Variants in USP47 observed in about 807,000 individuals in gnomAD.
The protein encoded by USP47 is ubiquitin carboxyl-terminal hydrolase 47.
A neutral mutation model predicts 165.1 loss-of-function variants in USP47; 35 were observed. The ratio of observed to expected loss-of-function variants is 0.21; its 90% CI spans 0.16 to 0.28. The LOEUF is 0.28. USP47 is among the 10% of genes least tolerant of loss of function. USP47 has a pLI of 1.00. For synonymous variants in USP47, 531 were observed against 544.5 expected, an observed-to-expected ratio of 0.98 and a Z score of 0.35; for missense variants, 1,277 against 1,607.4, an observed-to-expected ratio of 0.79 and a Z score of 3.52.
intron 4 of USP47, among the ~76,000 whole-genome samples, chr11:11,895,625 C>T (rs1851798572): frequency 1.3e-5 from 2 of 152,204 alleles, no homozygotes; most frequent in Admixed American, 6.5e-5. Flanking sequence ...CCTACCACTT[C>T]CCACTGGTAG....
chr11:11,909,608 C>A (rs1424336740), intron 8 of USP47, among the ~76,000 whole-genome samples: 1 of 152,078 alleles, frequency 6.6e-6, no homozygotes, highest in Non-Finnish European at 1.5e-5. Flanking sequence ...TTATTTAGGG[C>A]CTACTCTATG....
At chr11:11,927,223 A>T (rs893658483) in intron 11 of USP47, among the ~76,000 whole-genome samples, 1 of 142,274 alleles carries the variant, frequency 7.0e-6, no homozygotes, top group Non-Finnish European at 1.6e-5. Context: ...GCCTCCCCTG[A>T]AGATTTTTTT....
rs1847468501 is a variant in USP47, at chr11:11,961,883, C to G, written c.*5708C>G. 6.6e-6 allele frequency among the ~76,000 whole-genome samples: 1 copy of G among 152,180 alleles called. No homozygotes were observed. The highest frequency in any genetic ancestry group is 6.5e-5 in the Admixed American group (1 of 15,280). ...ATTCAAGCACCACCTCCACCCAGCCCCTCCCACATTTCACTCAGGACTGAG... is the reference window on the plus strand; with the variant it reads ...ATTCAAGCACCACCTCCACCCAGCCGCTCCCACATTTCACTCAGGACTGAG... On this transcript the variant is annotated 3_prime_UTR_variant, in exon 28 of 28. Transcript: ENST00000527733.
In USP47 at chr11:11,958,249, C is replaced by T. The variant is rs933471070; in HGVS notation, c.*2074C>T. The T allele has an allele frequency of 6.6e-6, 1 of 152,190 alleles. No homozygotes were observed. Among genetic ancestry groups the T allele is most frequent in the African/African-American group, 2.4e-5 (1 of 41,446 alleles). 9.4% of individuals were successfully genotyped at this position (152,190 alleles called of 1,614,324 possible). A position where few individuals can be genotyped will look rare whatever the true frequency, so the allele number is the denominator to read the frequency against. ...CTGATACCCACTCTTTAGACTGTGC[C>T]TTCTGCTCTGTTCTTTGTTTTATGT... is the stretch of plus-strand genomic sequence containing the variant. On this transcript the variant is annotated 3_prime_UTR_variant, in exon 28 of 28. Transcript: ENST00000527733.
intron 15 of USP47, among the ~76,000 whole-genome samples, chr11:11,933,384 T>C (rs1854820010): frequency 6.6e-6 from 1 of 152,084 alleles, no homozygotes; most frequent in Admixed American, 6.6e-5. Flanking sequence ...AATAAATCCG[T>C]AAAAACTGGA....
chr11:11,880,277 C>G lies in USP47; in HGVS notation c.140C>G (p.Ser47Cys), dbSNP rs947674946. 4.2e-6 allele frequency: 6 copies of G among 1,442,694 alleles called. No individual in the cohort carries two copies. Among genetic ancestry groups the G allele is most frequent in the Non-Finnish European group, 5.4e-6 (6 of 1,107,926 alleles). The allele number at this position is 1,442,694 out of a possible 1,614,324, so 89.4% of individuals were successfully genotyped here. The change falls in exon 2 of 28, where the codon TCT (serine) becomes TGT (cysteine). Residue 47 changes from serine to cysteine, a missense_variant. Physicochemically the swap from Ser to Cys is moderately radical, Grantham distance 112 (BLOSUM62 -1). Around this residue, in one of 4 missense-constraint regions of USP47, gnomAD observed 181 missense variants for 194.7 expected, o/e 0.93. Transcript: ENST00000527733. ...NERITLNLPA[S>C]TPVRKLFEDV... ...CGGATCACTTTAAATTTACCAGCATCTACTCCAGTCAGAAAGCTCTTTGAA... is the reference window on the plus strand; with the variant it reads ...CGGATCACTTTAAATTTACCAGCATGTACTCCAGTCAGAAAGCTCTTTGAA...
chr11:11,884,509 A>G lies in USP47; in HGVS notation c.286A>G (p.Asn96Asp), dbSNP rs1851030873. Residue 96 changes from asparagine to aspartate, a missense_variant, in exon 3 of 28, where the codon AAT becomes GAT. Asn to Asp is a conservative substitution (Grantham distance 23, BLOSUM62 1). This residue lies in a region of USP47 where 181 missense variants were observed against 194.7 expected (regional missense o/e 0.93). Transcript: ENST00000527733. ...CAGTGACAAGTCACTTCTCGACGCT[A>G]ATTTTGAGCCAGGAAAGAAGAACTT... ...HTSDKSLLDA[N>D]FEPGKKNFLH... is the part of the protein sequence containing the mutation. 1 of 1,611,960 alleles carries G rather than the reference A, an allele frequency of 6.2e-7. No homozygotes were observed. Among genetic ancestry groups the G allele is most frequent in the Non-Finnish European group, 8.5e-7 (1 of 1,179,290 alleles).
chr11:11,933,668 T>C (rs1384624725), intron 15 of USP47, among the ~76,000 whole-genome samples, 163 bp from the exon 16 acceptor site: 2 of 152,084 alleles, frequency 1.3e-5, no homozygotes, highest in African/African-American at 4.8e-5. Flanking sequence ...GTGTGAGACA[T>C]AACTGGTGTC....
Position 11,942,526 on chromosome 11 carries a change from C to T in USP47, c.2505C>T (p.Asp835=), listed in dbSNP as rs747721569. ...GCGATTCTGGTAATGTGGATGATGA[C>T]TGTGAAAGAGTCAAAGGACCTGTAG... ...AGGDSGNVDD[D]CERVKGPVGS... Residue 835 remains aspartate (D), a synonymous_variant, in exon 20 of 28, where the codon GAC becomes GAT. Coordinates refer to ENST00000527733, the MANE Select transcript of USP47 (RefSeq NM_001282659.2). The T allele has an allele frequency of 6.2e-7, 1 of 1,613,574 alleles. No individual in the cohort carries two copies. Among genetic ancestry groups the T allele is most frequent in the East Asian group, 2.2e-5 (1 of 44,864 alleles).
chr11:11,857,909 C>G (rs2134175378), intron 1 of USP47, among the ~76,000 whole-genome samples: 1 of 152,126 alleles, frequency 6.6e-6, no homozygotes, highest in African/African-American at 2.4e-5. Flanking sequence ...TGTAACTTCA[C>G]TTCAGCCTCT....
At chr11:11,914,773 A>C (rs116814782) in intron 8 of USP47, among the ~76,000 whole-genome samples, 4 of 152,178 alleles carry the variant, frequency 2.6e-5, no homozygotes, top group African/African-American at 4.8e-5. Flanking sequence ...ATTGCTGGCT[A>C]TTAGGGAAAT....
At chr11:11,869,966 A>G (rs1286264555) in intron 1 of USP47, among the ~76,000 whole-genome samples, 1 of 152,210 alleles carries the variant, frequency 6.6e-6, no homozygotes, top group East Asian at 1.9e-4. Context: ...CTTGAGCCAA[A>G]ACAATTTCTG....
intron 4 of USP47, among the ~76,000 whole-genome samples, chr11:11,892,636 C>T (rs1851603654): frequency 6.6e-6 from 1 of 150,916 alleles, no homozygotes; most frequent in South Asian, 2.1e-4. Flanking sequence ...CCTAGCCAGA[C>T]ACCATCTCTA....
In USP47 at chr11:11,950,499, T is replaced by TG; in HGVS notation, c.3583+23dup. On this transcript the variant is annotated intron_variant, in intron 24 of 27. Transcript: ENST00000527733. ...TTCTTGATGGTATTTTCAATATTTT[T>TG]GGGGGGAAGTATCAGTTAGAAATAC... 2 of 1,537,722 alleles carry TG rather than the reference T, an allele frequency of 1.3e-6. No homozygotes were observed. The highest frequency in any genetic ancestry group is 1.8e-6 in the Non-Finnish European group (2 of 1,121,750).
At chr11:11,943,896 C>G (rs1855650713) in intron 20 of USP47, 1 of 151,860 alleles carries the variant, frequency 6.6e-6, no homozygotes, top group African/African-American at 2.4e-5. Flanking sequence ...TAATATTACT[C>G]CTTATATTTT....
At chr11:11,881,742 T>TA (rs1364320633) in intron 2 of USP47, among the ~76,000 whole-genome samples, 1 of 152,126 alleles carries the variant, frequency 6.6e-6, no homozygotes. Context: ...TTGCAATTAT[T>TA]AAAAAAATTT....
chr11:11,860,975 G>C (rs1306876666), intron 1 of USP47, among the ~76,000 whole-genome samples: 2 of 152,142 alleles, frequency 1.3e-5, no homozygotes. Flanking sequence ...TTATTTAGAA[G>C]ACCTGTGTTC....
intron 19 of USP47, among the ~76,000 whole-genome samples, chr11:11,941,240 G>T (rs1405900532): frequency 6.6e-6 from 1 of 151,732 alleles, no homozygotes; most frequent in Admixed American, 6.6e-5. Context: ...TTTGTGTGGT[G>T]GGGGAGGGGA....
intron 16 of USP47, 23 bp downstream of exon 16, chr11:11,933,958 C>A: frequency 6.6e-7 from 1 of 1,507,746 alleles, no homozygotes; most frequent in Non-Finnish European, 9.2e-7. Flanking sequence ...GCATCATTGG[C>A]ATTTACTTAC....
Sources: gnomAD v4.1 joint callset for allele counts (sites outside exome capture counted in the v4.1 genomes callset) on GRCh38, gnomAD v4.1.1 for gene constraint, gnomAD v4.1.1 regional missense constraint, MANE v1.5 for transcripts, NCBI Gene and HGNC (gene_info 2026-07-23, HGNC 2026-07-21) for gene names.